KCNIP4: variants seen among roughly 807,000 people sequenced by gnomAD.
KCNIP4 encodes potassium voltage-gated channel interacting protein 4, also known as Kv channel-interacting protein 4.
Under a neutral mutation model 34.0 loss-of-function variants are expected in KCNIP4, and 12 were observed. The observed-to-expected ratio is 0.35, with a 90% confidence interval of 0.23 to 0.57. The LOEUF (loss-of-function observed/expected upper bound fraction) is 0.57. Ranked by LOEUF, KCNIP4 falls within the 20% of genes least tolerant of loss-of-function variation. The probability of loss-of-function intolerance (pLI) is 0.83; values close to 1 mark genes in which losing one functional copy is unlikely to be tolerated. For missense variants in KCNIP4, 238 were observed against 311.7 expected (o/e 0.76, Z 1.78); for synonymous variants, 124 against 102.2 (o/e 1.21, Z -1.29).
In KCNIP4 at chr4:21,360,086, C is replaced by G. The variant is rs183871970; in HGVS notation, c.62-477377G>C. On this transcript the variant is annotated intron_variant, in intron 1 of 8. Coordinates refer to ENST00000382152, the MANE Select transcript of KCNIP4 (RefSeq NM_025221.6). ...ACTGAGCTCTACTGTGCGTGTAACT[C>G]CTGTCTCAAAATTTAAACTGTTGTT... Among the ~76,000 whole-genome samples the G allele has an allele frequency of 5.3e-5, 8 of 152,094 alleles. No individual in the cohort carries two copies. The East Asian group carries it at 1.5e-3, about 29-fold the overall frequency.
chr4:21,477,469 C>A (rs1374123470), intron 1 of KCNIP4, among the ~76,000 whole-genome samples: 1 of 152,142 alleles, frequency 6.6e-6, no homozygotes, highest in Non-Finnish European at 1.5e-5. Context: ...CAGTAGAACA[C>A]CCTAGTCAAC....
chr4:21,559,223 G>A (rs1739319422), intron 1 of KCNIP4, among the ~76,000 whole-genome samples: 1 of 151,958 alleles, frequency 6.6e-6, no homozygotes, highest in Admixed American at 6.6e-5. Context: ...AAATAAATTG[G>A]GGAAATAATT....
chr4:21,225,398 C>T (rs1758306135), intron 1 of KCNIP4, among the ~76,000 whole-genome samples: 4 of 152,132 alleles, frequency 2.6e-5, no homozygotes, highest in Admixed American at 2.6e-4. Context: ...ACTCTTTTAT[C>T]CACAGGGAGA....
intron 2 of KCNIP4, 184 bp from the exon 3 acceptor site, chr4:20,850,851 T>G: frequency 5.9e-6 from 3 of 509,388 alleles, no homozygotes; most frequent in Non-Finnish European, 9.6e-6. Context: ...CTAAAACACT[T>G]GTATATGATT....
intron 1 of KCNIP4, among the ~76,000 whole-genome samples, chr4:21,243,821 T>C (rs1032001026): frequency 6.6e-6 from 1 of 152,150 alleles, no homozygotes; most frequent in Admixed American, 6.6e-5. Flanking sequence ...ACCCTGTTTC[T>C]TGAGAGAGCA....
chr4:21,786,098 G>A (rs571313037), intron 1 of KCNIP4, among the ~76,000 whole-genome samples: 1 of 152,102 alleles, frequency 6.6e-6, no homozygotes, highest in African/African-American at 2.4e-5. Context: ...ACAGGCGTGC[G>A]CCACCACACC....
At chr4:21,449,957 A>G (rs1728375127) in intron 1 of KCNIP4, among the ~76,000 whole-genome samples, 1 of 152,258 alleles carries the variant, frequency 6.6e-6, no homozygotes, top group Admixed American at 6.5e-5. Flanking sequence ...AATAGCAAAC[A>G]TTCTTTTACT....
chr4:21,848,198 ACCCTGAAAAG>A (rs1560759162), intron 1 of KCNIP4: 2 of 151,992 alleles, frequency 1.3e-5, no homozygotes, highest in Admixed American at 6.6e-5. Context: ...TAAACCACTC[ACCCTGAAAAG>A]CCCATGGCAC....
chr4:21,446,108 A>G (rs1026577959), intron 1 of KCNIP4, among the ~76,000 whole-genome samples: 1 of 152,192 alleles, frequency 6.6e-6, no homozygotes, highest in Non-Finnish European at 1.5e-5. Context: ...GGCGATCATT[A>G]AAACGTCAGG....
intron 1 of KCNIP4, among the ~76,000 whole-genome samples, chr4:21,225,237 T>C (rs1419671852): frequency 6.6e-6 from 1 of 152,094 alleles, no homozygotes; most frequent in East Asian, 1.9e-4. Context: ...GGTATTCAGG[T>C]TTTCATATTA....
intron 1 of KCNIP4, among the ~76,000 whole-genome samples, chr4:21,496,880 A>G (rs533885565): frequency 6.6e-6 from 1 of 152,268 alleles, no homozygotes; most frequent in Admixed American, 6.5e-5. Flanking sequence ...TTTCATCCCC[A>G]AACCATCCCC....
intron 1 of KCNIP4, chr4:21,656,418 C>T (rs1747940313): frequency 6.6e-6 from 1 of 152,194 alleles, no homozygotes; most frequent in Non-Finnish European, 1.5e-5. Context: ...AGAACTTCAA[C>T]ATGTGAATTT....
rs866392746 is a variant in KCNIP4, at chr4:20,917,025, A to T, written c.62-34316T>A. On this transcript the variant is annotated intron_variant, in intron 1 of 8. Transcript: ENST00000382152. ...TATATATATATATATATATATATAT[A>T]TATATATATATATATATATATATAT... Among the ~76,000 whole-genome samples the T allele has an allele frequency of 1.9e-3, 83 of 43,830 alleles. 5 individuals are homozygous for T. The Middle Eastern group carries it at 0.049, about 26-fold the overall frequency. The allele number at this position is 43,830 out of a possible 152,430, so 28.8% of individuals were successfully genotyped here.
chr4:21,358,256 C>A (rs1344883678), intron 1 of KCNIP4, among the ~76,000 whole-genome samples: 1 of 151,978 alleles, frequency 6.6e-6, no homozygotes, highest in Admixed American at 6.6e-5. Flanking sequence ...CACTGTGGCA[C>A]ATGCATACAT....
chr4:21,145,867 CTT>C (rs1752304077), intron 1 of KCNIP4, among the ~76,000 whole-genome samples: 1 of 152,148 alleles, frequency 6.6e-6, no homozygotes, highest in Non-Finnish European at 1.5e-5. Flanking sequence ...TCACTAGCCT[CTT>C]AGCTCAAAGG....
intron 1 of KCNIP4, among the ~76,000 whole-genome samples, chr4:21,941,266 A>C (rs1417441206): frequency 6.6e-6 from 1 of 152,144 alleles, no homozygotes. Context: ...CATATGTAAC[A>C]ATGTACAAAC....
chr4:21,308,444 A>G (rs1481588569), intron 1 of KCNIP4, among the ~76,000 whole-genome samples: 1 of 152,168 alleles, frequency 6.6e-6, no homozygotes, highest in Non-Finnish European at 1.5e-5. Context: ...CATCTTATGG[A>G]TGAGGAAACA....
chr4:21,553,244 T>C (rs527685504), intron 1 of KCNIP4, among the ~76,000 whole-genome samples: 8 of 152,264 alleles, frequency 5.3e-5, no homozygotes, highest in South Asian at 2.1e-4. Flanking sequence ...AAGTGAACCA[T>C]AGCAAACTTC....
At chr4:21,357,784 A>G (rs571835496) in intron 1 of KCNIP4, among the ~76,000 whole-genome samples, 3 of 152,212 alleles carry the variant, frequency 2.0e-5, no homozygotes, top group Non-Finnish European at 4.4e-5. Flanking sequence ...ATAAAGAACT[A>G]GAAATACCAT....
Sources: allele counts gnomAD v4.1 joint callset (sites outside exome capture counted in the v4.1 genomes callset), GRCh38; gene constraint gnomAD v4.1.1; transcripts MANE v1.5; gene names NCBI Gene and HGNC (gene_info 2026-07-23, HGNC 2026-07-21).